The following GOLPH3 variants were observed in gnomAD, a reference collection of about 807,000 sequenced individuals.
The protein encoded by GOLPH3 is coat protein GPP34.
GOLPH3 carries 14 observed loss-of-function variants against 28.5 expected under a neutral mutation model. The ratio of observed to expected loss-of-function variants is 0.49; its 90% CI spans 0.32 to 0.77. The LOEUF (loss-of-function observed/expected upper bound fraction) is 0.77, where lower values mean the gene tolerates loss of function less well. Ranked by LOEUF, GOLPH3 falls within the 30% of genes least tolerant of loss-of-function variation. GOLPH3 has a pLI of 0.03. For synonymous variants in GOLPH3, 158 were observed against 159.2 expected, an observed-to-expected ratio of 0.99 and a Z score of 0.06; for missense variants, 350 against 393.7, an observed-to-expected ratio of 0.89 and a Z score of 0.94.
chr5:32,164,742 C>G (rs922016116), intron 1 of GOLPH3, among the ~76,000 whole-genome samples: 5 of 151,872 alleles, frequency 3.3e-5, no homozygotes, highest in African/African-American at 4.8e-5. Context: ...GTTTCACTCC[C>G]TTGGCAATGA....
rs1561679078 is a variant in GOLPH3, at chr5:32,158,119, TAAATAAATAAAATAC to T, written c.226-14254_226-14240del. ...ATAAATAAATAAATAAATAAATAAA[TAAATAAATAAAATAC>T]ACACACACACACACACACACACACA... is the stretch of plus-strand genomic sequence containing the variant. On this transcript the variant is annotated intron_variant, in intron 1 of 3. Coordinates refer to ENST00000265070, the MANE Select transcript of GOLPH3 (RefSeq NM_022130.4). 6.5e-4 allele frequency among the ~76,000 whole-genome samples: 65 copies of T among 99,992 alleles called. 6 individuals carry two copies. Among genetic ancestry groups the T allele is most frequent in the Non-Finnish European group, 9.5e-4 (50 of 52,358 alleles). The allele number at this position is 99,992 out of a possible 152,430, so 65.6% of individuals were successfully genotyped here. A position where few individuals can be genotyped will look rare whatever the true frequency, so the allele number is the denominator to read the frequency against.
At position 32,159,639 on chromosome 5, in the gene GOLPH3, G is replaced by C. The variant is rs568743306; in HGVS notation, c.225+14171C>G. ...ATATTTAACAGCATCTTGTTAGTAAGACCTAAATATAAGCTACAGTCTTTA... is the reference window on the plus strand; with the variant it reads ...ATATTTAACAGCATCTTGTTAGTAACACCTAAATATAAGCTACAGTCTTTA... On this transcript the variant is annotated intron_variant, in intron 1 of 3. Coordinates refer to ENST00000265070, the MANE Select transcript of GOLPH3 (RefSeq NM_022130.4). Among the ~76,000 whole-genome samples, 20 of 152,284 alleles carry C rather than the reference G, an allele frequency of 1.3e-4. No individual in the cohort carries two copies. The South Asian group carries it at 3.7e-3, about 28-fold the overall frequency.
rs551213433 is a variant in GOLPH3, at chr5:32,127,220, C to T, written c.473-584G>A. On this transcript the variant is annotated intron_variant, in intron 3 of 3. Transcript: ENST00000265070. ...GAGAAATATTTAAAATAAAACCAAA[C>T]GATTTTTCACTAAAGTGGGTTCTTC... Among the ~76,000 whole-genome samples, 344 of 152,192 alleles carry T rather than the reference C, an allele frequency of 2.3e-3. 3 individuals carry two copies. The highest frequency in any genetic ancestry group is 8.0e-3 in the African/African-American group (332 of 41,544).
At position 32,174,263 on chromosome 5, in the gene GOLPH3, A is replaced by G. The variant is rs1255074633; in HGVS notation, c.-229T>C. On this transcript the variant is annotated 5_prime_UTR_variant, in exon 1 of 4. Coordinates refer to ENST00000265070, the MANE Select transcript of GOLPH3 (RefSeq NM_022130.4). ...GGAGCGCCTTCCTGCCTGTGGCCGCAGTCCCCGAAACACCCCGAGCTCCAA... is the reference window on the plus strand; with the variant it reads ...GGAGCGCCTTCCTGCCTGTGGCCGCGGTCCCCGAAACACCCCGAGCTCCAA... 1.1e-5 allele frequency: 4 copies of G among 358,700 alleles called. No homozygotes were observed. Among genetic ancestry groups the G allele is most frequent in the East Asian group, 4.1e-5 (1 of 24,264 alleles). 22.2% of individuals were successfully genotyped at this position (358,700 alleles called of 1,614,324 possible).
At chr5:32,153,833 A>G (rs1746361545) in intron 1 of GOLPH3, among the ~76,000 whole-genome samples, 1 of 152,208 alleles carries the variant, frequency 6.6e-6, no homozygotes, top group Non-Finnish European at 1.5e-5. Context: ...ACAAGCAGTA[A>G]CAACTCAGTA....
At chr5:32,163,754 G>A (rs533369811) in intron 1 of GOLPH3, among the ~76,000 whole-genome samples, 3 of 152,058 alleles carry the variant, frequency 2.0e-5, no homozygotes, top group South Asian at 2.1e-4. Flanking sequence ...TGGATTAAAC[G>A]GAACATATAA....
intron 1 of GOLPH3, among the ~76,000 whole-genome samples, chr5:32,162,888 C>T (rs1284827081): frequency 6.6e-6 from 1 of 152,124 alleles, no homozygotes; most frequent in East Asian, 1.9e-4. Flanking sequence ...ATTATACTGG[C>T]TAACACAGTG....
At chr5:32,134,263 T>C (rs1745885749) in intron 3 of GOLPH3, among the ~76,000 whole-genome samples, 2 of 151,872 alleles carry the variant, frequency 1.3e-5, no homozygotes, top group South Asian at 4.1e-4. Flanking sequence ...TGGAGTGCAG[T>C]GGCATGATCT....
In GOLPH3 at chr5:32,174,258, G is replaced by A. The variant is rs1225652505; in HGVS notation, c.-224C>T. ...GGAGAGGAGCGCCTTCCTGCCTGTG[G>A]CCGCAGTCCCCGAAACACCCCGAGC... On this transcript the variant is annotated 5_prime_UTR_variant, in exon 1 of 4. Coordinates refer to ENST00000265070, the MANE Select transcript of GOLPH3 (RefSeq NM_022130.4). 5.5e-6 allele frequency: 2 copies of A among 361,836 alleles called. No individual in the cohort carries two copies. The highest frequency in any genetic ancestry group is 2.1e-5 in the African/African-American group (1 of 47,234). The allele number at this position is 361,836 out of a possible 1,614,324, so 22.4% of individuals were successfully genotyped here. A position where few individuals can be genotyped will look rare whatever the true frequency, so the allele number is the denominator to read the frequency against.
intron 1 of GOLPH3, among the ~76,000 whole-genome samples, chr5:32,172,581 G>C (rs1023013230): frequency 9.2e-5 from 14 of 152,138 alleles, no homozygotes; most frequent in Non-Finnish European, 2.1e-4. Context: ...TGTAGTCCCG[G>C]CTACTCGGGA....
chr5:32,129,320 C>T (rs201252843), intron 3 of GOLPH3, among the ~76,000 whole-genome samples: 1 of 152,132 alleles, frequency 6.6e-6, no homozygotes, highest in African/African-American at 2.4e-5. Flanking sequence ...AGGGCTATTA[C>T]GAGGATTAAA....
intron 1 of GOLPH3, among the ~76,000 whole-genome samples, chr5:32,161,784 T>G (rs927059668): frequency 6.6e-6 from 1 of 150,958 alleles, no homozygotes; most frequent in African/African-American, 2.5e-5. Context: ...TCCCAGCACT[T>G]TGGGAGGCAG....
At chr5:32,166,203 T>C (rs1371934290) in intron 1 of GOLPH3, among the ~76,000 whole-genome samples, 7 of 152,208 alleles carry the variant, frequency 4.6e-5, no homozygotes, top group Non-Finnish European at 8.8e-5. Context: ...GTAAATTTTT[T>C]TGTTGTTGTT....
intron 3 of GOLPH3, among the ~76,000 whole-genome samples, chr5:32,133,606 A>G (rs1238334611): frequency 6.6e-6 from 1 of 152,254 alleles, no homozygotes; most frequent in Non-Finnish European, 1.5e-5. Flanking sequence ...TTAAAACATT[A>G]TGTTTACTAA....
At chr5:32,156,788 A>C (rs925641538) in intron 1 of GOLPH3, among the ~76,000 whole-genome samples, 30 of 152,158 alleles carry the variant, frequency 2.0e-4, no homozygotes, top group African/African-American at 7.2e-4. Context: ...CAGGAGGCGG[A>C]GCTCAGGCAG....
At position 32,174,184 on chromosome 5, in the gene GOLPH3, T is replaced by C. The variant is rs975763412; in HGVS notation, c.-150A>G. ...TCGGCAGCAGGGCCGGGGGCAGTCA[T>C]GAGGAAACAGGTCAGGGCGAAGCGG... On this transcript the variant is annotated 5_prime_UTR_variant, in exon 1 of 4. The change abolishes an upstream ATG in the 5' untranslated region. Transcript: ENST00000265070. The C allele has an allele frequency of 4.5e-5, 20 of 441,772 alleles. No homozygotes were observed. The highest frequency in any genetic ancestry group is 3.9e-4 in the African/African-American group (19 of 48,768). 27.4% of individuals were successfully genotyped at this position (441,772 alleles called of 1,614,324 possible).
intron 1 of GOLPH3, among the ~76,000 whole-genome samples, chr5:32,172,360 C>CTT (rs767230819): frequency 1.2e-4 from 16 of 137,748 alleles, no homozygotes; most frequent in African/African-American, 1.9e-4. Context: ...TTTTGTAAGA[C>CTT]TTTTTTTTTT....
At chr5:32,142,486 C>T (rs550511709) in intron 2 of GOLPH3, among the ~76,000 whole-genome samples, 1 of 149,886 alleles carries the variant, frequency 6.7e-6, no homozygotes, top group Admixed American at 6.6e-5. Context: ...GGGGTCAGCC[C>T]CCCACCCAGC....
At chr5:32,165,056 T>C (rs1746680401) in intron 1 of GOLPH3, among the ~76,000 whole-genome samples, 1 of 151,790 alleles carries the variant, frequency 6.6e-6, no homozygotes, top group South Asian at 2.1e-4. Context: ...CATACCACCC[T>C]GCCTGGCTAA....
Sources: gnomAD v4.1 joint callset for allele counts (sites outside exome capture counted in the v4.1 genomes callset) on GRCh38, gnomAD v4.1.1 for gene constraint, MANE v1.5 for transcripts, NCBI Gene and HGNC (gene_info 2026-07-23, HGNC 2026-07-21) for gene names.